The following ATP10D variants were observed in gnomAD, a reference collection of about 807,000 sequenced individuals.
ATP10D encodes phospholipid-transporting ATPase VD.
Under a neutral mutation model 144.8 loss-of-function variants are expected in ATP10D, and 89 were observed. The observed-to-expected ratio is 0.61, with a 90% CI of 0.52 to 0.73. The LOEUF (loss-of-function observed/expected upper bound fraction) is 0.73. Among genes scored for constraint, ATP10D ranks in the 30% least tolerant of loss-of-function variants. ATP10D has a pLI of 0.00. For synonymous variants in ATP10D, 571 were observed against 615.1 expected (o/e 0.93, Z 1.06); for missense variants, 1,603 against 1,714.8 (o/e 0.93, Z 1.15).
intron 8 of ATP10D, 36 bp downstream of exon 8, chr4:47,536,600 A>G (rs773800377): frequency 6.2e-7 from 1 of 1,607,860 alleles, no homozygotes. Flanking sequence ...GAATTTTAAC[A>G]TCTTTGCTGC....
intron 1 of ATP10D, among the ~76,000 whole-genome samples, chr4:47,494,095 A>G (rs1262697628): frequency 6.6e-6 from 1 of 152,324 alleles, no homozygotes; most frequent in Middle Eastern, 3.4e-3. Flanking sequence ...AATGTTCAAC[A>G]CTTAAAAGTT....
At chr4:47,543,580 G>A (rs901902173) in intron 9 of ATP10D, among the ~76,000 whole-genome samples, 1 of 152,120 alleles carries the variant, frequency 6.6e-6, no homozygotes, top group Non-Finnish European at 1.5e-5. Context: ...CACCCCATGT[G>A]GAGAACCACT....
At chr4:47,517,499 CA>C (rs1716751263) in intron 3 of ATP10D, among the ~76,000 whole-genome samples, 3 of 152,200 alleles carry the variant, frequency 2.0e-5, no homozygotes, top group African/African-American at 7.2e-5. Context: ...TGTTCTACAA[CA>C]TTTAATCTGA....
At chr4:47,550,114 GGGTAGA>G (rs1262953166) in intron 10 of ATP10D, among the ~76,000 whole-genome samples, 2 of 152,050 alleles carry the variant, frequency 1.3e-5, no homozygotes, top group Non-Finnish European at 2.9e-5. Flanking sequence ...GAAAAACCTT[GGGTAGA>G]GGTGGAACTA....
At position 47,522,082 on chromosome 4, in the gene ATP10D, CAATG is replaced by C. The variant is rs1246598375; in HGVS notation, c.486-927_486-924del. 5.3e-5 allele frequency among the ~76,000 whole-genome samples: 8 copies of C among 152,230 alleles called. No individual in the cohort carries two copies. In the East Asian group the frequency reaches 7.7e-4, roughly 15 times the overall value. ...TAGTTTTTTATGGATATTTGGGAGACAATGAAGGAATAAGACAGACCTTGTTAAC... is the reference window on the plus strand; with the variant it reads ...TAGTTTTTTATGGATATTTGGGAGACAAGGAATAAGACAGACCTTGTTAAC... On this transcript the variant is annotated intron_variant, in intron 3 of 22. Coordinates refer to ENST00000273859, the MANE Select transcript of ATP10D (RefSeq NM_020453.4).
intron 21 of ATP10D, among the ~76,000 whole-genome samples, chr4:47,584,842 C>G (rs1034927856): frequency 1.3e-5 from 2 of 152,114 alleles, no homozygotes; most frequent in African/African-American, 2.4e-5. Flanking sequence ...GTTGTTTGTA[C>G]ATTTTATTTA....
In ATP10D at chr4:47,561,008, C is replaced by T. The variant is rs1363008469; in HGVS notation, c.2601C>T (p.Ser867=). Reference sequence around the variant, plus strand: ...GGAATCATTTTTTAGCTGAAACCAGCATTGACAACAGGGAAGAATTACTAC... The same window carrying T: ...GGAATCATTTTTTAGCTGAAACCAGTATTGACAACAGGGAAGAATTACTAC... ...WLRNHFLAET[S]IDNREELLLE... Residue 867 remains serine, a synonymous_variant, in exon 14 of 23, where the codon AGC becomes AGT. Coordinates refer to ENST00000273859, the MANE Select transcript of ATP10D (RefSeq NM_020453.4). 3.1e-6 allele frequency: 5 copies of T among 1,613,976 alleles called. 1 individual carries two copies. The East Asian group carries it at 1.1e-4, about 36-fold the overall frequency.
At chr4:47,569,783 G>A (rs1719855990) in intron 16 of ATP10D, among the ~76,000 whole-genome samples, 1 of 152,160 alleles carries the variant, frequency 6.6e-6, no homozygotes, top group South Asian at 2.1e-4. Context: ...AGGTCTCACT[G>A]CTAAGGTTGA....
intron 15 of ATP10D, among the ~76,000 whole-genome samples, chr4:47,567,778 T>C (rs1299305032): frequency 2.0e-5 from 3 of 152,202 alleles, no homozygotes; most frequent in East Asian, 3.8e-4. Flanking sequence ...GTGTTTATAG[T>C]TTTTGTGCTG....
At chr4:47,559,111 C>T (rs768462032) in intron 13 of ATP10D, 82 bp downstream of exon 13, 11 of 1,059,028 alleles carry the variant, frequency 1.0e-5, no homozygotes, top group Non-Finnish European at 1.4e-5. Context: ...GTGTAGCAAA[C>T]CCTAATCCAG....
intron 19 of ATP10D, among the ~76,000 whole-genome samples, chr4:47,577,845 C>A (rs1367587157): frequency 6.6e-6 from 1 of 152,164 alleles, no homozygotes; most frequent in Non-Finnish European, 1.5e-5. Flanking sequence ...TCCAGTCTGA[C>A]TTAAAGTTCA....
At chr4:47,492,688 A>C (rs1198580757) in intron 1 of ATP10D, among the ~76,000 whole-genome samples, 2 of 152,196 alleles carry the variant, frequency 1.3e-5, no homozygotes, top group Non-Finnish European at 2.9e-5. Context: ...TAATTATATT[A>C]ATATTAATTC....
At chr4:47,521,448 G>T (rs78405179) in intron 3 of ATP10D, among the ~76,000 whole-genome samples, 14,862 of 152,068 alleles carry the variant, frequency 0.098, 868 homozygotes, top group Non-Finnish European at 0.13. Flanking sequence ...TTATGTATCT[G>T]TGTCGCTACT....
At chr4:47,511,159 A>G (rs1331843840) in intron 1 of ATP10D, among the ~76,000 whole-genome samples, 1 of 152,190 alleles carries the variant, frequency 6.6e-6, no homozygotes, top group Non-Finnish European at 1.5e-5. Context: ...CTTTTCAAAT[A>G]TACTTCGGAG....
chr4:47,528,497 GTGTGTGTGTGTGTGTGTATATA>G (rs1304000678), intron 5 of ATP10D, among the ~76,000 whole-genome samples: 39 of 88,146 alleles, frequency 4.4e-4, no homozygotes, highest in South Asian at 9.9e-4. Flanking sequence ...GTGTGTGTGT[GTGTGTGTGTGTGTGTGTATATA>G]TATATATATA....
At chr4:47,503,998 A>G (rs1175026074) in intron 1 of ATP10D, among the ~76,000 whole-genome samples, 1 of 152,216 alleles carries the variant, frequency 6.6e-6, no homozygotes, top group Non-Finnish European at 1.5e-5. Context: ...CTTTTTGTAT[A>G]TATCTAAAAT....
At chr4:47,567,799 A>G (rs1205276087) in intron 15 of ATP10D, among the ~76,000 whole-genome samples, 1 of 152,220 alleles carries the variant, frequency 6.6e-6, no homozygotes, top group Non-Finnish European at 1.5e-5. Context: ...TTTCATGTGC[A>G]CATGTCCATA....
Position 47,591,222 on chromosome 4 carries a change from A to G in ATP10D, c.4122A>G (p.Arg1374=), listed in dbSNP as rs764328031. The G allele has an allele frequency of 6.2e-7, 1 of 1,613,428 alleles. No individual in the cohort carries two copies. Among genetic ancestry groups the G allele is most frequent in the Non-Finnish European group, 8.5e-7 (1 of 1,179,614 alleles). ...ANQSAGKSGR[R]PMPGPSAVFA... ...AATCAGCTGGCAAGTCAGGAAGAAGACCCATGCCTGGCCCTTCTGCTGTAT... is the reference window on the plus strand; with the variant it reads ...AATCAGCTGGCAAGTCAGGAAGAAGGCCCATGCCTGGCCCTTCTGCTGTAT... Residue 1374 remains arginine (R), a synonymous_variant, in exon 23 of 23, where the codon AGA becomes AGG. Coordinates refer to ENST00000273859, the MANE Select transcript of ATP10D (RefSeq NM_020453.4).
chr4:47,524,074 G>A (rs1468102995), intron 4 of ATP10D, among the ~76,000 whole-genome samples: 22 of 152,066 alleles, frequency 1.4e-4, no homozygotes, highest in African/African-American at 4.8e-4. Context: ...CTACAGGCAC[G>A]TGCCACCATG....
Sources: allele counts gnomAD v4.1 joint callset (sites outside exome capture counted in the v4.1 genomes callset), GRCh38; gene constraint gnomAD v4.1.1; transcripts MANE v1.5; gene names NCBI Gene and HGNC (gene_info 2026-07-23, HGNC 2026-07-21).